Variants in SLC26A2 observed in about 807,000 individuals in gnomAD.
The protein encoded by SLC26A2 is solute carrier family 26 member 2, also known as sulfate transporter.
In SLC26A2, 36 loss-of-function variants were observed where a neutral mutation model predicts 41.1. That is an observed-to-expected ratio of 0.88 (90% CI 0.67 to 1.16). The LOEUF (loss-of-function observed/expected upper bound fraction) is 1.16, where lower values mean the gene tolerates loss of function less well. Among genes scored for constraint, SLC26A2 ranks in the 50% most tolerant of loss-of-function variants. SLC26A2 has a pLI of 0.00. For missense variants in SLC26A2, 796 were observed against 869.6 expected, an observed-to-expected ratio of 0.92 and a Z score of 1.07; for synonymous variants, 291 against 311.6, an observed-to-expected ratio of 0.93 and a Z score of 0.70.
In SLC26A2 at chr5:149,986,732, T is replaced by C. The variant is rs2113703830; in HGVS notation, c.*4919T>C. The C allele has an allele frequency of 6.6e-6, 1 of 152,352 alleles. No homozygotes were observed. Among genetic ancestry groups the C allele is most frequent in the East Asian group, 1.9e-4 (1 of 5,194 alleles). 9.4% of individuals were successfully genotyped at this position (152,352 alleles called of 1,614,324 possible). A position where few individuals can be genotyped will look rare whatever the true frequency, so the allele number is the denominator to read the frequency against. ...CTAAATGCCTTTATTGTAGATACTA[T>C]GTTTGTAAGTCTATAGCTAAGCAAC... is the stretch of plus-strand genomic sequence containing the variant. On this transcript the variant is annotated 3_prime_UTR_variant, in exon 3 of 3. Coordinates refer to ENST00000286298, the MANE Select transcript of SLC26A2 (RefSeq NM_000112.4).
In SLC26A2 at chr5:149,981,318, G is replaced by A; in HGVS notation, c.1725G>A (p.Lys575=). The A allele has an allele frequency of 6.2e-7, 1 of 1,614,106 alleles. No homozygotes were observed. Among genetic ancestry groups the A allele is most frequent in the Non-Finnish European group, 8.5e-7 (1 of 1,180,002 alleles). The change falls in exon 3 of 3, where the codon AAG becomes AAA. Residue 575 remains lysine, a synonymous_variant. Transcript: ENST00000286298. ...SVSAYKNLQI[K]PGIKIFRFVA... Reference sequence around the variant, plus strand: ...CTGCTTACAAGAACCTTCAGATTAAGCCAGGCATCAAGATTTTCCGCTTTG... The same window carrying A: ...CTGCTTACAAGAACCTTCAGATTAAACCAGGCATCAAGATTTTCCGCTTTG...
intron 1 of SLC26A2, among the ~76,000 whole-genome samples, chr5:149,976,393 G>A (rs1754993047): frequency 6.6e-6 from 1 of 152,152 alleles, no homozygotes; most frequent in Non-Finnish European, 1.5e-5. Flanking sequence ...GACACAGAGG[G>A]TGTAGTATTT....
rs1326501763 is a variant in SLC26A2 at position 149,980,998 on chromosome 5, C to G, written c.1405C>G (p.Leu469Val). Residue 469 changes from leucine (L) to valine (V), a missense_variant, in exon 3 of 3, where the codon CTA (leucine) becomes GTA (valine). Transcript: ENST00000286298. ...VTALVLLLVLLVIAPLFYSLQ... is the reference protein window; with the variant it reads ...VTALVLLLVLVVIAPLFYSLQ... The stretch of plus-strand genomic sequence containing the variant: ...AGCCCTGGTTCTTTTGTTGGTCCTC[C>G]TAGTAATAGCTCCTTTGTTCTATTC... 4 of 1,614,074 alleles carry G rather than the reference C, an allele frequency of 2.5e-6. No individual in the cohort carries two copies. In the African/African-American group the frequency reaches 5.3e-5, roughly 22 times the overall value.
Position 149,979,817 on chromosome 5 carries a change from C to T in SLC26A2, c.700-476C>T, listed in dbSNP as rs79086221. 1.2e-3 allele frequency among the ~76,000 whole-genome samples: 179 copies of T among 152,332 alleles called. 1 individual carries two copies. The highest frequency in any genetic ancestry group is 4.1e-3 in the African/African-American group (172 of 41,588). ...TTAAAACTTCACTTGTACACTTGCT[C>T]TTAGCCAAGAGGCTGAGAAGCCGTA... is the stretch of plus-strand genomic sequence containing the variant. On this transcript the variant is annotated intron_variant, in intron 2 of 2. Transcript: ENST00000286298.
rs1418781486 is a variant in SLC26A2 at position 149,981,536 on chromosome 5, C to T, written c.1943C>T (p.Thr648Ile). 6.2e-7 allele frequency: 1 copy of T among 1,614,060 alleles called. No homozygotes were observed. Among genetic ancestry groups the T allele is most frequent in the Non-Finnish European group, 8.5e-7 (1 of 1,179,998 alleles). Reference protein sequence around the residue: ...QLSHDPLELHTIVIDCSAIQF... With the variant: ...QLSHDPLELHIIVIDCSAIQF... The stretch of plus-strand genomic sequence containing the variant: ...TCCCATGATCCCTTGGAGCTGCATA[C>T]TATAGTGATTGACTGCAGTGCAATT... The change falls in exon 3 of 3, where the codon ACT (threonine) becomes ATT (isoleucine). Residue 648 changes from threonine to isoleucine, a missense_variant. Coordinates refer to ENST00000286298, the MANE Select transcript of SLC26A2 (RefSeq NM_000112.4).
intron 1 of SLC26A2, among the ~76,000 whole-genome samples, chr5:149,968,259 T>C (rs1333990287): frequency 1.3e-5 from 2 of 152,210 alleles, no homozygotes; most frequent in Non-Finnish European, 2.9e-5. Context: ...AGTTACAGTT[T>C]TTAGTCCTTT....
Position 149,981,838 on chromosome 5 carries a change from C to G in SLC26A2, c.*25C>G. 1 of 1,556,394 alleles carries G rather than the reference C, an allele frequency of 6.4e-7. No homozygotes were observed. The highest frequency in any genetic ancestry group is 8.8e-7 in the Non-Finnish European group (1 of 1,130,734). ...ATTGAGAAGGTAGATAGAAGAATGT[C>G]TAGCCAATAGGTTAAAATTTCAAGT... is the stretch of plus-strand genomic sequence containing the variant. On this transcript the variant is annotated 3_prime_UTR_variant, in exon 3 of 3. Transcript: ENST00000286298.
rs1755129963 is a variant in SLC26A2, at chr5:149,982,618, C to T, written c.*805C>T. On this transcript the variant is annotated 3_prime_UTR_variant, in exon 3 of 3. Transcript: ENST00000286298. ...TTCTGAGACTTTCTCTACCATTAAG[C>T]TCTATTTTAGCTTTCAGTTATTCTA... is the stretch of plus-strand genomic sequence containing the variant. The T allele has an allele frequency of 1.3e-5, 2 of 152,176 alleles. No homozygotes were observed. Among genetic ancestry groups the T allele is most frequent in the African/African-American group, 4.8e-5 (2 of 41,438 alleles). The allele number at this position is 152,176 out of a possible 1,614,324, so 9.4% of individuals were successfully genotyped here.
intron 1 of SLC26A2, among the ~76,000 whole-genome samples, chr5:149,970,432 G>C (rs1001270887): frequency 5.9e-5 from 9 of 152,098 alleles, no homozygotes; most frequent in African/African-American, 2.2e-4. Flanking sequence ...GATTGCTTGG[G>C]CCTAGGAGTT....
chr5:149,978,199 G>T lies in SLC26A2; in HGVS notation c.547G>T (p.Ala183Ser). 1.9e-6 allele frequency: 3 copies of T among 1,613,804 alleles called. No homozygotes were observed. Among genetic ancestry groups the T allele is most frequent in the Non-Finnish European group, 2.5e-6 (3 of 1,179,716 alleles). ...GACAGTTGACCGAGAACTACAGAAA[G>T]CTGGCTATGACAATGCCCATAGTGC... ...GETVDRELQK[A>S]GYDNAHSAPS... The change falls in exon 2 of 3, where the codon GCT (alanine) becomes TCT (serine). Residue 183 changes from alanine to serine, a missense_variant. Physicochemically the swap from Ala to Ser is moderately conservative, Grantham distance 99. Coordinates refer to ENST00000286298, the MANE Select transcript of SLC26A2 (RefSeq NM_000112.4).
chr5:149,973,377 T>C (rs1229352669), intron 1 of SLC26A2, among the ~76,000 whole-genome samples: 1 of 152,182 alleles, frequency 6.6e-6, no homozygotes, highest in Non-Finnish European at 1.5e-5. Flanking sequence ...TGGACTTTCT[T>C]TGTTATGTAG....
intron 1 of SLC26A2, among the ~76,000 whole-genome samples, chr5:149,970,840 A>C (rs1754888427): frequency 6.6e-6 from 1 of 152,188 alleles, no homozygotes; most frequent in African/African-American, 2.4e-5. Flanking sequence ...TTACTGATGG[A>C]TTATATATGG....
chr5:149,968,749 C>T (rs1455559092), intron 1 of SLC26A2, among the ~76,000 whole-genome samples: 1 of 139,150 alleles, frequency 7.2e-6, no homozygotes, highest in Non-Finnish European at 1.6e-5. Context: ...GACGGACTCT[C>T]GGTCTGTTGC....
intron 1 of SLC26A2, among the ~76,000 whole-genome samples, chr5:149,966,620 T>C (rs1157685073): frequency 6.6e-6 from 1 of 152,078 alleles, no homozygotes; most frequent in Non-Finnish European, 1.5e-5. Flanking sequence ...TTTTTTAATA[T>C]TTGTTTTATA....
At chr5:149,963,261 C>T (rs971230905) in intron 1 of SLC26A2, among the ~76,000 whole-genome samples, 1 of 151,802 alleles carries the variant, frequency 6.6e-6, no homozygotes, top group African/African-American at 2.4e-5. Context: ...AGGCACATGC[C>T]ACCACGCCTG....
intron 1 of SLC26A2, among the ~76,000 whole-genome samples, chr5:149,975,464 AC>A (rs1375827362): frequency 1.3e-5 from 2 of 152,000 alleles, no homozygotes; most frequent in Middle Eastern, 3.2e-3. Context: ...GTTTGGAAAA[AC>A]CTTTTCACCC....
At position 149,983,472 on chromosome 5, in the gene SLC26A2, A is replaced by G. The variant is rs1755141261; in HGVS notation, c.*1659A>G. The G allele has an allele frequency of 6.6e-6, 1 of 152,216 alleles. No homozygotes were observed. Among genetic ancestry groups the G allele is most frequent in the Non-Finnish European group, 1.5e-5 (1 of 68,040 alleles). The allele number at this position is 152,216 out of a possible 1,614,324, so 9.4% of individuals were successfully genotyped here. ...TTAGAACTTGGGTCTGGAATTCCAG[A>G]AATGTTAATTGCTGCTTGTATTTGT... On this transcript the variant is annotated 3_prime_UTR_variant, in exon 3 of 3. Transcript: ENST00000286298.
In SLC26A2 at chr5:149,981,144, T is replaced by C. The variant is rs368016373; in HGVS notation, c.1551T>C (p.Val517=). Residue 517 remains valine (V), a synonymous_variant, in exon 3 of 3, where the codon GTT becomes GTC. Coordinates refer to ENST00000286298, the MANE Select transcript of SLC26A2 (RefSeq NM_000112.4). ...GAATGGATACAGTTATCTGGTTTGTTACTATGCTGTCCTCTGCACTGCTAA... is the reference window on the plus strand; with the variant it reads ...GAATGGATACAGTTATCTGGTTTGTCACTATGCTGTCCTCTGCACTGCTAA... ...ISRMDTVIWF[V]TMLSSALLST... 3.7e-6 allele frequency: 6 copies of C among 1,614,116 alleles called. No homozygotes were observed. The highest frequency in any genetic ancestry group is 5.1e-6 in the Non-Finnish European group (6 of 1,180,032).
chr5:149,980,437 G>T lies in SLC26A2; in HGVS notation c.844G>T (p.Gly282Cys), dbSNP rs571410872. ...LLGLNLPRTN[G>C]VGSLITTWIH... The stretch of plus-strand genomic sequence containing the variant: ...TGGGCTCAACCTTCCTCGGACTAAT[G>T]GTGTGGGCTCACTCATCACTACCTG... The change falls in exon 3 of 3, where the codon GGT (glycine) becomes TGT (cysteine). Residue 282 changes from glycine to cysteine, a missense_variant. Physicochemically the swap from Gly to Cys is radical, Grantham distance 159. Transcript: ENST00000286298. The T allele has an allele frequency of 5.0e-6, 8 of 1,613,876 alleles. No homozygotes were observed. Among genetic ancestry groups the T allele is most frequent in the Non-Finnish European group, 6.8e-6 (8 of 1,180,020 alleles).
Sources: allele counts gnomAD v4.1 joint callset (sites outside exome capture counted in the v4.1 genomes callset), GRCh38; gene constraint gnomAD v4.1.1; transcripts MANE v1.5; gene names NCBI Gene and HGNC (gene_info 2026-07-23, HGNC 2026-07-21).